Variants in RORA observed in about 807,000 individuals in gnomAD.
RORA encodes the protein RAR related orphan receptor A, also known as nuclear receptor ROR-alpha.
In RORA, 7 loss-of-function variants were observed where a neutral mutation model predicts 69.5. The ratio of observed to expected loss-of-function variants is 0.10; its 90% CI spans 0.06 to 0.19. The LOEUF is 0.19. RORA is among the 10% of genes least tolerant of loss of function. The pLI is 1.00. For missense variants in RORA, 457 were observed against 663.0 expected (o/e 0.69, Z 3.41); for synonymous variants, 261 against 240.8 (o/e 1.08, Z -0.78).
chr15:61,182,704 G>A (rs1334434070), intron 1 of RORA, among the ~76,000 whole-genome samples: 1 of 152,232 alleles, frequency 6.6e-6, no homozygotes, highest in Admixed American at 6.5e-5. Context: ...TAGTGGAGAT[G>A]GCTGGCAGAC....
intron 1 of RORA, among the ~76,000 whole-genome samples, chr15:60,784,771 A>G (rs948928862): frequency 5.3e-5 from 8 of 152,210 alleles, no homozygotes; most frequent in Non-Finnish European, 1.0e-4. Flanking sequence ...TTTTCTTTAA[A>G]GTAGAAAACC....
At chr15:61,228,780 T>C (rs1216572975) in intron 1 of RORA, among the ~76,000 whole-genome samples, 2 of 151,416 alleles carry the variant, frequency 1.3e-5, no homozygotes, top group South Asian at 2.1e-4. Flanking sequence ...TGCAGAAAAA[T>C]CAAAGCCAGG....
At chr15:60,978,996 C>G (rs1397933078) in intron 1 of RORA, among the ~76,000 whole-genome samples, 1 of 94,864 alleles carries the variant, frequency 1.1e-5, no homozygotes, top group Non-Finnish European at 1.9e-5. Flanking sequence ...GAGTCTTGCT[C>G]AGTAGCCCAG....
intron 1 of RORA, among the ~76,000 whole-genome samples, chr15:61,020,425 G>C (rs1192016670): frequency 6.6e-6 from 1 of 152,210 alleles, no homozygotes; most frequent in Non-Finnish European, 1.5e-5. Context: ...CGGAATTGCT[G>C]CTTCTTCGCA....
chr15:60,605,812 A>C (rs2068932447), intron 2 of RORA, among the ~76,000 whole-genome samples: 2 of 152,228 alleles, frequency 1.3e-5, no homozygotes, highest in African/African-American at 4.8e-5. Flanking sequence ...TCTGGAGATG[A>C]CGTTTTTTAA....
chr15:61,143,663 T>C (rs558378603), intron 1 of RORA, among the ~76,000 whole-genome samples: 1 of 152,282 alleles, frequency 6.6e-6, no homozygotes, highest in South Asian at 2.1e-4. Context: ...ACATTTCAGA[T>C]GTGGGAAAAT....
intron 1 of RORA, among the ~76,000 whole-genome samples, chr15:61,048,537 C>T (rs1007692055): frequency 3.9e-5 from 6 of 152,322 alleles, no homozygotes; most frequent in East Asian, 1.9e-4. Flanking sequence ...CAGATATCTT[C>T]GTGACAGCCC....
chr15:61,114,114 T>C (rs2079030258), intron 1 of RORA, among the ~76,000 whole-genome samples: 1 of 152,194 alleles, frequency 6.6e-6, no homozygotes. Context: ...GCTTTAAGTT[T>C]AGACTTAACT....
At chr15:60,758,843 T>C (rs1485034370) in intron 1 of RORA, among the ~76,000 whole-genome samples, 1 of 152,140 alleles carries the variant, frequency 6.6e-6, no homozygotes, top group African/African-American at 2.4e-5. Context: ...ATTCAAAAGC[T>C]TTCACACCCA....
rs1159283720 is a variant in RORA at position 61,226,769 on chromosome 15, T to C, written c.166+2284A>G. ...CCATTCAGACTGTTATATAACCTAG[T>C]GCCTGCGTGCAGGATGTGAGTTGAG... On this transcript the variant is annotated intron_variant, in intron 1 of 10. Coordinates refer to ENST00000335670, the MANE Select transcript of RORA (RefSeq NM_134261.3). The surrounding 1 kb of genome is among the most constrained non-coding windows in gnomAD (Gnocchi z 4.2). 6.6e-6 allele frequency among the ~76,000 whole-genome samples: 1 copy of C among 151,722 alleles called. No individual in the cohort carries two copies. The highest frequency in any genetic ancestry group is 2.4e-5 in the African/African-American group (1 of 41,354).
chr15:61,208,124 C>T (rs1305679802), intron 1 of RORA, among the ~76,000 whole-genome samples: 3 of 152,128 alleles, frequency 2.0e-5, no homozygotes, highest in Admixed American at 6.5e-5. Context: ...GGAGGGGAAG[C>T]GCTCCAAGGG....
At chr15:60,857,331 G>C (rs1441161890) in intron 1 of RORA, among the ~76,000 whole-genome samples, 1 of 152,094 alleles carries the variant, frequency 6.6e-6, no homozygotes, top group East Asian at 1.9e-4. Context: ...TACCCGGCAA[G>C]TCAAGTTCCC....
At chr15:60,886,425 C>A (rs1031979086) in intron 1 of RORA, among the ~76,000 whole-genome samples, 1 of 152,176 alleles carries the variant, frequency 6.6e-6, no homozygotes, top group Non-Finnish European at 1.5e-5. Flanking sequence ...ACTGCAACGT[C>A]TTTTGCCTAC....
chr15:61,056,734 A>G (rs1007993436), intron 1 of RORA, among the ~76,000 whole-genome samples: 8 of 152,210 alleles, frequency 5.3e-5, no homozygotes, highest in Non-Finnish European at 1.2e-4. Context: ...ATAATTATCA[A>G]AACCATTCCT....
chr15:61,040,517 A>G (rs1027886663), intron 1 of RORA, among the ~76,000 whole-genome samples: 1 of 149,368 alleles, frequency 6.7e-6, no homozygotes, highest in Non-Finnish European at 1.5e-5. Context: ...TCCGGGCTTT[A>G]TTTTTTTTTC....
At chr15:61,055,021 G>A (rs557316314) in intron 1 of RORA, among the ~76,000 whole-genome samples, 27 of 152,024 alleles carry the variant, frequency 1.8e-4, no homozygotes, top group African/African-American at 6.5e-4. Context: ...ATTTTTAGTA[G>A]AGACAGGGTT....
chr15:61,079,721 G>T (rs2078509874), intron 1 of RORA, among the ~76,000 whole-genome samples: 2 of 152,322 alleles, frequency 1.3e-5, no homozygotes, highest in South Asian at 2.1e-4. Context: ...TGAGGCACTG[G>T]ATACCCAGCA....
chr15:60,963,480 G>A (rs1893469146), intron 1 of RORA, among the ~76,000 whole-genome samples: 1 of 152,196 alleles, frequency 6.6e-6, no homozygotes. Context: ...TTTCTCTTGG[G>A]CCTAGAGCAA....
Position 61,197,420 on chromosome 15 carries a change from C to A in RORA, c.166+31633G>T, listed in dbSNP as rs574412720. ...CCGCGGCCTGAGTTCTAAGCACCGC[C>A]GGTCATGTGGCTCACGAGGAGCCCA... On this transcript the variant is annotated intron_variant, in intron 1 of 10. Coordinates refer to ENST00000335670, the MANE Select transcript of RORA (RefSeq NM_134261.3). Among the ~76,000 whole-genome samples the A allele has an allele frequency of 2.6e-5, 4 of 152,154 alleles. No homozygotes were observed. In the South Asian group the frequency reaches 6.2e-4, roughly 24 times the overall value.
Sources: gnomAD v4.1 joint callset for allele counts (sites outside exome capture counted in the v4.1 genomes callset) on GRCh38, gnomAD v4.1.1 for gene constraint, Gnocchi (gnomAD v3.1) non-coding constraint, MANE v1.5 for transcripts, NCBI Gene and HGNC (gene_info 2026-07-23, HGNC 2026-07-21) for gene names.